Variants in PCDH15 observed in about 807,000 individuals in gnomAD.
The protein encoded by PCDH15 is protocadherin-15.
Under a neutral mutation model 178.5 loss-of-function variants are expected in PCDH15, and 129 were observed. The ratio of observed to expected loss-of-function variants is 0.72; its 90% CI spans 0.63 to 0.84. The LOEUF is 0.84. Among genes scored for constraint, PCDH15 ranks in the 40% least tolerant of loss-of-function variants. The pLI, the probability that PCDH15 is intolerant of heterozygous loss-of-function variation, is 0.00. For missense variants in PCDH15, 2,230 were observed against 2,099.9 expected (o/e 1.06, Z -1.21); for synonymous variants, 800 against 732.0 (o/e 1.09, Z -1.50).
intron 2 of PCDH15, among the ~76,000 whole-genome samples, chr10:55,503,611 T>C (rs1187950978): frequency 1.3e-5 from 2 of 151,282 alleles, no homozygotes; most frequent in East Asian, 3.9e-4. Context: ...ACATCATTTA[T>C]ATGAGTATTA....
chr10:55,434,270 C>CCG (rs1388699888), intron 2 of PCDH15, among the ~76,000 whole-genome samples: 1 of 151,640 alleles, frequency 6.6e-6, no homozygotes, highest in African/African-American at 2.4e-5. Context: ...CGGGGTTTCA[C>CCG]TGGTCTCGAT....
At chr10:55,045,261 A>T (rs1044198255) in intron 2 of PCDH15, among the ~76,000 whole-genome samples, 43 of 152,056 alleles carry the variant, frequency 2.8e-4, no homozygotes, top group African/African-American at 1.0e-3. Flanking sequence ...TAGAACGTAG[A>T]TGACTCAATA....
intron 8 of PCDH15, among the ~76,000 whole-genome samples, chr10:54,315,590 C>T (rs1484064668): frequency 2.0e-5 from 3 of 152,072 alleles, no homozygotes; most frequent in African/African-American, 7.2e-5. Context: ...TTCTTTGTTA[C>T]AAAATCTTTG....
chr10:53,847,712 G>A (rs1189696770), intron 28 of PCDH15, among the ~76,000 whole-genome samples: 1 of 152,078 alleles, frequency 6.6e-6, no homozygotes, highest in African/African-American at 2.4e-5. Context: ...TGACAGTCAA[G>A]TTTGTGACTA....
chr10:55,017,755 A>G (rs1048846173), intron 2 of PCDH15, among the ~76,000 whole-genome samples: 5 of 152,064 alleles, frequency 3.3e-5, no homozygotes, highest in Non-Finnish European at 5.9e-5. Flanking sequence ...TATAACATAC[A>G]GTAATCTTTA....
chr10:54,990,225 A>T (rs191723032), intron 2 of PCDH15, among the ~76,000 whole-genome samples: 1 of 152,320 alleles, frequency 6.6e-6, no homozygotes, highest in African/African-American at 2.4e-5. Context: ...GGCCTTAATA[A>T]ACTCTGCAGT....
intron 3 of PCDH15, among the ~76,000 whole-genome samples, chr10:54,463,679 G>A (rs1372885398): frequency 6.6e-6 from 1 of 152,166 alleles, no homozygotes; most frequent in East Asian, 1.9e-4. Flanking sequence ...AGACCCTCAA[G>A]GTCAGGGATT....
At chr10:55,342,934 G>T (rs573355635) in intron 2 of PCDH15, among the ~76,000 whole-genome samples, 1 of 152,234 alleles carries the variant, frequency 6.6e-6, no homozygotes, top group East Asian at 1.9e-4. Context: ...CTGAGTCCTT[G>T]CAGTATGATG....
At chr10:55,026,238 G>C (rs1197122804) in intron 2 of PCDH15, among the ~76,000 whole-genome samples, 1 of 150,588 alleles carries the variant, frequency 6.6e-6, no homozygotes, top group African/African-American at 2.5e-5. Flanking sequence ...GGAGGCAACT[G>C]TTAACATAGA....
At position 53,827,555 on chromosome 10, in the gene PCDH15, T is replaced by A; in HGVS notation, c.4212-7A>T. 6.2e-7 allele frequency: 1 copy of A among 1,614,112 alleles called. No individual in the cohort carries two copies. Among genetic ancestry groups the A allele is most frequent in the Non-Finnish European group, 8.5e-7 (1 of 1,179,956 alleles). On this transcript the variant is annotated splice_region_variant and splice_polypyrimidine_tract_variant and intron_variant, in intron 31 of 37. Coordinates refer to ENST00000644397, the MANE Select transcript of PCDH15 (RefSeq NM_001384140.1). ...TGTACACTCAGCTTGACGTCTTGGA[T>A]AAAGTAAGGATGGCTTGTAAAACTC...
At chr10:54,338,869 A>T (rs955662026) in intron 6 of PCDH15, among the ~76,000 whole-genome samples, 7 of 145,956 alleles carry the variant, frequency 4.8e-5, no homozygotes, top group African/African-American at 1.3e-4. Flanking sequence ...GCATTAAAAT[A>T]AAAAAAAAGA....
intron 25 of PCDH15, among the ~76,000 whole-genome samples, chr10:53,934,331 A>G (rs1406140884): frequency 6.6e-6 from 1 of 152,098 alleles, no homozygotes; most frequent in Non-Finnish European, 1.5e-5. Context: ...TGCCATCCCC[A>G]CTGACCACAA....
chr10:55,003,378 G>A (rs10763164), intron 2 of PCDH15, among the ~76,000 whole-genome samples: 117,266 of 151,862 alleles, frequency 0.77, 45,431 homozygotes, highest in East Asian at 0.87. Context: ...CCCAACATGA[G>A]GTAGATCAGG....
intron 1 of PCDH15, among the ~76,000 whole-genome samples, chr10:55,256,210 C>T (rs1310685764): frequency 6.6e-6 from 1 of 152,156 alleles, no homozygotes; most frequent in Admixed American, 6.5e-5. Context: ...ATAGGGAATC[C>T]TTTCCCCATT....
At chr10:55,012,932 A>T (rs183386536) in intron 2 of PCDH15, among the ~76,000 whole-genome samples, 322 of 152,178 alleles carry the variant, frequency 2.1e-3, no homozygotes, top group African/African-American at 5.8e-3. Flanking sequence ...CCTATTAATC[A>T]TCTCTTTGCA....
At position 54,756,348 on chromosome 10, in the gene PCDH15, A is replaced by G. The variant is rs75051370; in HGVS notation, c.-29+44577T>C. On this transcript the variant is annotated intron_variant, in intron 1 of 37. Coordinates refer to ENST00000644397, the MANE Select transcript of PCDH15 (RefSeq NM_001384140.1). ...TTACTGACGTGTCCCTATCCTTTAT[A>G]TAGTGTCCATTACGTAATAAGAGCC... Among the ~76,000 whole-genome samples the G allele has an allele frequency of 8.4e-4, 128 of 152,292 alleles. No homozygotes were observed. The East Asian group carries it at 0.018, about 22-fold the overall frequency.
intron 8 of PCDH15, among the ~76,000 whole-genome samples, chr10:54,245,704 A>G (rs1425414531): frequency 6.6e-6 from 1 of 151,992 alleles, no homozygotes. Flanking sequence ...GTGGGCTTTT[A>G]TATCTGTGAT....
intron 2 of PCDH15, among the ~76,000 whole-genome samples, chr10:55,589,321 C>A (rs1247024630): frequency 6.6e-6 from 1 of 152,014 alleles, no homozygotes; most frequent in African/African-American, 2.4e-5. Context: ...GAATCCTTTC[C>A]CCATTGCTTG....
At chr10:53,878,304 CTA>C (rs201078136) in intron 26 of PCDH15, among the ~76,000 whole-genome samples, 2,718 of 90,874 alleles carry the variant, frequency 0.03, 103 homozygotes, top group African/African-American at 0.096. Flanking sequence ...TATATATAGA[CTA>C]TATATATTCT....
Sources: gnomAD v4.1 joint callset for allele counts (sites outside exome capture counted in the v4.1 genomes callset) on GRCh38, gnomAD v4.1.1 for gene constraint, MANE v1.5 for transcripts, NCBI Gene and HGNC (gene_info 2026-07-23, HGNC 2026-07-21) for gene names.